FIGN: variants seen among roughly 807,000 people sequenced by gnomAD.
The protein encoded by FIGN is fidgetin, microtubule severing factor.
FIGN carries 11 observed loss-of-function variants against 51.3 expected under a neutral mutation model. That is an observed-to-expected ratio of 0.21 (90% CI 0.13 to 0.35). FIGN has a LOEUF of 0.35. Among genes scored for constraint, FIGN ranks in the 10% least tolerant of loss-of-function variants. The pLI is 1.00. For synonymous variants in FIGN, 407 were observed against 363.2 expected, an observed-to-expected ratio of 1.12 and a Z score of -1.37; for missense variants, 857 against 943.6, an observed-to-expected ratio of 0.91 and a Z score of 1.20.
chr2:163,730,504 T>TTTTGTG (rs369762012), intron 2 of FIGN, among the ~76,000 whole-genome samples: 3 of 148,930 alleles, frequency 2.0e-5, no homozygotes, highest in East Asian at 2.0e-4. Context: ...TGCTCCGTGT[T>TTTTGTG]TGTGTGTGTG....
At chr2:163,706,858 T>C (rs1684507210) in intron 2 of FIGN, among the ~76,000 whole-genome samples, 2 of 152,064 alleles carry the variant, frequency 1.3e-5, no homozygotes, top group Admixed American at 1.3e-4. Flanking sequence ...AGAGCAATAA[T>C]CTCATTTAAA....
chr2:163,723,640 T>C (rs1287371760), intron 2 of FIGN, among the ~76,000 whole-genome samples: 2 of 152,202 alleles, frequency 1.3e-5, no homozygotes, highest in East Asian at 1.9e-4. Context: ...TAGTTGCTGA[T>C]AAAGTACAGG....
chr2:163,678,043 A>G (rs1355721066), intron 2 of FIGN, among the ~76,000 whole-genome samples: 1 of 152,210 alleles, frequency 6.6e-6, no homozygotes, highest in African/African-American at 2.4e-5. Context: ...TATTTTTAAC[A>G]TCTTACATTA....
chr2:163,653,065 T>G (rs953683162), intron 2 of FIGN, among the ~76,000 whole-genome samples: 4 of 152,158 alleles, frequency 2.6e-5, no homozygotes, highest in African/African-American at 9.7e-5. Context: ...TACTTACTAA[T>G]CATATGACCT....
chr2:163,617,742 C>T (rs549845196), intron 2 of FIGN, among the ~76,000 whole-genome samples: 14 of 152,188 alleles, frequency 9.2e-5, no homozygotes, highest in Non-Finnish European at 1.8e-4. Flanking sequence ...TTATTCTAAT[C>T]TTGGTTAAGT....
intron 2 of FIGN, among the ~76,000 whole-genome samples, chr2:163,704,717 C>T (rs955849116): frequency 2.7e-4 from 40 of 148,370 alleles, no homozygotes; most frequent in African/African-American, 7.7e-4. Context: ...CAACAAATAG[C>T]GGTTACTATT....
chr2:163,708,756 AAAGGCAAAATCTGT>A (rs1396921554), intron 2 of FIGN, among the ~76,000 whole-genome samples: 1 of 152,116 alleles, frequency 6.6e-6, no homozygotes, highest in African/African-American at 2.4e-5. Context: ...TGGAGGGAGG[AAAGGCAAAATCTGT>A]AAGGGGAGAA....
intron 2 of FIGN, among the ~76,000 whole-genome samples, chr2:163,698,841 T>C (rs1684363307): frequency 6.6e-6 from 1 of 152,174 alleles, no homozygotes; most frequent in South Asian, 2.1e-4. Flanking sequence ...TCATTTCAGA[T>C]GTTTTAAGTT....
chr2:163,610,980 G>T lies in FIGN; in HGVS notation c.852C>A (p.Pro284=). ...AGCCAGGAACAGTGGTGGGGGGTAGGGGGGTGGGAGCAGGAATTCCTGAAG... is the reference window on the plus strand; with the variant it reads ...AGCCAGGAACAGTGGTGGGGGGTAGTGGGGTGGGAGCAGGAATTCCTGAAG... ...YLPSGIPAPT[P]LPPTTVPGYT... The change falls in exon 3 of 3, where the codon CCC becomes CCA. Residue 284 remains proline (P), a synonymous_variant. Coordinates refer to ENST00000333129, the MANE Select transcript of FIGN (RefSeq NM_018086.4). The T allele has an allele frequency of 6.2e-7, 1 of 1,613,840 alleles. No homozygotes were observed. The highest frequency in any genetic ancestry group is 8.5e-7 in the Non-Finnish European group (1 of 1,179,964).
intron 2 of FIGN, among the ~76,000 whole-genome samples, chr2:163,703,030 CTT>C (rs1324948335): frequency 2.9e-4 from 39 of 132,308 alleles, no homozygotes; most frequent in Non-Finnish European, 2.5e-4. Flanking sequence ...GATTATTTAG[CTT>C]TTTTTTTTTT....
intron 2 of FIGN, among the ~76,000 whole-genome samples, chr2:163,730,100 G>T (rs1052718239): frequency 6.6e-6 from 1 of 152,242 alleles, no homozygotes; most frequent in African/African-American, 2.4e-5. Flanking sequence ...CACCTGTGGT[G>T]CTGCCCTAAG....
At chr2:163,733,898 T>G (rs1342428593) in intron 2 of FIGN, among the ~76,000 whole-genome samples, 3 of 149,594 alleles carry the variant, frequency 2.0e-5, no homozygotes, top group Non-Finnish European at 4.4e-5. Context: ...TCTTTCTCTC[T>G]TTTCAGGAGG....
chr2:163,666,693 T>G (rs1276560741), intron 2 of FIGN, among the ~76,000 whole-genome samples: 1 of 152,148 alleles, frequency 6.6e-6, no homozygotes. Context: ...GAACCATGTC[T>G]TGTGGATAAA....
chr2:163,603,858 C>T lies in FIGN; in HGVS notation c.*5694G>A, dbSNP rs1172514811. 4.6e-5 allele frequency: 7 copies of T among 152,040 alleles called. No individual in the cohort carries two copies. The East Asian group carries it at 9.7e-4, about 21-fold the overall frequency. The allele number at this position is 152,040 out of a possible 1,614,324, so 9.4% of individuals were successfully genotyped here. A position where few individuals can be genotyped will look rare whatever the true frequency, so the allele number is the denominator to read the frequency against. On this transcript the variant is annotated 3_prime_UTR_variant, in exon 3 of 3. Coordinates refer to ENST00000333129, the MANE Select transcript of FIGN (RefSeq NM_018086.4). ...ATATAGAGCTGGTGAAGAAAAAGAACGAATGCTAAAATAAATAGTATAATA... is the reference window on the plus strand; with the variant it reads ...ATATAGAGCTGGTGAAGAAAAAGAATGAATGCTAAAATAAATAGTATAATA...
In FIGN at chr2:163,686,385, T is replaced by G. The variant is rs115752000; in HGVS notation, c.25+48518A>C. Among the ~76,000 whole-genome samples, 1,510 of 152,234 alleles carry G rather than the reference T, an allele frequency of 9.9e-3. 12 individuals are homozygous for G. The highest frequency in any genetic ancestry group is 0.048 in the Middle Eastern group (14 of 294). ...TGTACACTTAATGTGGCGAAAAGCT[T>G]TTCTGTGGCATGGCAGAGTCTTTCT... On this transcript the variant is annotated intron_variant, in intron 2 of 2. Transcript: ENST00000333129.
At chr2:163,731,791 A>G (rs559646419) in intron 2 of FIGN, among the ~76,000 whole-genome samples, 7 of 152,214 alleles carry the variant, frequency 4.6e-5, no homozygotes, top group South Asian at 2.1e-4. Flanking sequence ...GAGAAAAGCA[A>G]ATCAACTCAC....
intron 2 of FIGN, among the ~76,000 whole-genome samples, chr2:163,663,356 C>T (rs530304848): frequency 3.3e-5 from 5 of 149,528 alleles, no homozygotes; most frequent in Admixed American, 6.6e-5. Context: ...TTTTTTGAGA[C>T]GGAGTTTTGC....
intron 2 of FIGN, among the ~76,000 whole-genome samples, chr2:163,638,748 C>T (rs146002958): frequency 3.6e-4 from 55 of 152,208 alleles, no homozygotes; most frequent in African/African-American, 9.1e-4. Flanking sequence ...CAATCAATTA[C>T]GCTGTGACAT....
At position 163,605,209 on chromosome 2, in the gene FIGN, G is replaced by C. The variant is rs544666654; in HGVS notation, c.*4343C>G. The stretch of plus-strand genomic sequence containing the variant: ...TGCTTGTGTTGTATTTAAAAACAGG[G>C]GAAAGAGGAGAGACTTGTTCATTAA... On this transcript the variant is annotated 3_prime_UTR_variant, in exon 3 of 3. Transcript: ENST00000333129. 3 of 151,966 alleles carry C rather than the reference G, an allele frequency of 2.0e-5. No individual in the cohort carries two copies. The highest frequency in any genetic ancestry group is 7.2e-5 in the African/African-American group (3 of 41,482). 9.4% of individuals were successfully genotyped at this position (151,966 alleles called of 1,614,324 possible).
Sources: allele counts gnomAD v4.1 joint callset (sites outside exome capture counted in the v4.1 genomes callset), GRCh38; gene constraint gnomAD v4.1.1; transcripts MANE v1.5; gene names NCBI Gene and HGNC (gene_info 2026-07-23, HGNC 2026-07-21).